The following PTPRD variants were observed in gnomAD, a reference collection of about 807,000 sequenced individuals.
PTPRD encodes the protein protein tyrosine phosphatase receptor type D.
In PTPRD, 34 loss-of-function variants were observed where a neutral mutation model predicts 214.5. That is an observed-to-expected ratio of 0.16 (90% CI 0.12 to 0.21). The LOEUF is 0.21. PTPRD is among the 10% of genes least tolerant of loss of function. The pLI, the probability that PTPRD is intolerant of heterozygous loss-of-function variation, is 1.00. For missense variants in PTPRD, 2,545 were observed against 2,398.7 expected (o/e 1.06, Z -1.27); for synonymous variants, 1,128 against 845.7 (o/e 1.33, Z -5.79).
At chr9:10,146,116 C>T (rs2099020625) in intron 3 of PTPRD, among the ~76,000 whole-genome samples, 1 of 150,390 alleles carries the variant, frequency 6.6e-6, no homozygotes, top group Admixed American at 6.7e-5. Context: ...TTAGTTTCCT[C>T]TCAGCCCAAA....
chr9:8,974,231 G>A (rs1195209958), intron 11 of PTPRD, among the ~76,000 whole-genome samples: 1 of 151,972 alleles, frequency 6.6e-6, no homozygotes, highest in Non-Finnish European at 1.5e-5. Flanking sequence ...TGTACGTAGT[G>A]AAAGGTAAAG....
intron 12 of PTPRD, among the ~76,000 whole-genome samples, chr9:8,664,191 A>T (rs1315748007): frequency 6.6e-6 from 1 of 152,204 alleles, no homozygotes; most frequent in Non-Finnish European, 1.5e-5. Context: ...ACCTATCATC[A>T]AATAAATCCA....
intron 11 of PTPRD, among the ~76,000 whole-genome samples, chr9:8,821,875 G>C (rs370901154): frequency 6.6e-6 from 1 of 152,266 alleles, no homozygotes; most frequent in East Asian, 1.9e-4. Flanking sequence ...ATCTTGGCCA[G>C]GCTGGTATCG....
intron 8 of PTPRD, among the ~76,000 whole-genome samples, chr9:9,492,818 C>T (rs1360940061): frequency 6.6e-6 from 1 of 150,732 alleles, no homozygotes; most frequent in African/African-American, 2.4e-5. Context: ...TTTGTTTCTG[C>T]ATCATATTTC....
chr9:9,177,211 A>G (rs1288895204), intron 10 of PTPRD, among the ~76,000 whole-genome samples: 2 of 152,156 alleles, frequency 1.3e-5, no homozygotes, highest in Non-Finnish European at 2.9e-5. Context: ...AAGGGAAAAC[A>G]GCCCCTTATA....
intron 8 of PTPRD, among the ~76,000 whole-genome samples, chr9:9,427,366 A>C (rs1175347032): frequency 6.6e-6 from 1 of 152,218 alleles, no homozygotes; most frequent in Non-Finnish European, 1.5e-5. Flanking sequence ...TTAGAGAAAA[A>C]AGAGTAAAAA....
chr9:8,668,370 G>A (rs1193234058), intron 12 of PTPRD, among the ~76,000 whole-genome samples: 3 of 152,152 alleles, frequency 2.0e-5, no homozygotes, highest in East Asian at 1.9e-4. Flanking sequence ...AGCCAAACTC[G>A]ACAGGTTTCA....
intron 39 of PTPRD, among the ~76,000 whole-genome samples, chr9:8,349,571 G>A (rs930769349): frequency 3.3e-5 from 5 of 152,108 alleles, no homozygotes; most frequent in African/African-American, 1.2e-4. Context: ...CTTGAAACAT[G>A]ATAAGAACAG....
chr9:9,088,374 G>A (rs181087728), intron 10 of PTPRD, among the ~76,000 whole-genome samples: 9 of 151,644 alleles, frequency 5.9e-5, no homozygotes, highest in African/African-American at 2.2e-4. Context: ...GATCACCTGA[G>A]GTTGAGACTA....
intron 8 of PTPRD, among the ~76,000 whole-genome samples, chr9:9,493,579 G>A (rs2154212130): frequency 6.6e-6 from 1 of 152,082 alleles, no homozygotes; most frequent in South Asian, 2.1e-4. Flanking sequence ...ACAAGGTCAG[G>A]AGATCGAGAC....
chr9:9,129,790 G>C (rs1300779536), intron 10 of PTPRD, among the ~76,000 whole-genome samples: 1 of 152,010 alleles, frequency 6.6e-6, no homozygotes, highest in Non-Finnish European at 1.5e-5. Flanking sequence ...GTAGTTATTT[G>C]TCCAACCAGA....
chr9:10,040,646 C>T (rs2097279920), intron 3 of PTPRD, among the ~76,000 whole-genome samples: 1 of 151,982 alleles, frequency 6.6e-6, no homozygotes, highest in Non-Finnish European at 1.5e-5. Flanking sequence ...TTAACTTCTT[C>T]CTAAATCAGT....
intron 2 of PTPRD, among the ~76,000 whole-genome samples, chr9:10,421,784 C>T (rs1208402961): frequency 6.6e-6 from 1 of 151,674 alleles, no homozygotes; most frequent in East Asian, 1.9e-4. Context: ...CCATTTTGTG[C>T]TCAGTTTTAT....
chr9:9,771,264 C>T (rs982643448), intron 5 of PTPRD, among the ~76,000 whole-genome samples: 1 of 152,086 alleles, frequency 6.6e-6, no homozygotes, highest in Non-Finnish European at 1.5e-5. Flanking sequence ...CATTTCTCAT[C>T]ACTGTCTATT....
chr9:8,816,315 C>A (rs1165687753), intron 11 of PTPRD, among the ~76,000 whole-genome samples: 1 of 152,126 alleles, frequency 6.6e-6, no homozygotes, highest in Non-Finnish European at 1.5e-5. Flanking sequence ...CGAGAGGCTC[C>A]TATTATCACT....
At chr9:8,639,963 G>T (rs1356948497) in intron 12 of PTPRD, among the ~76,000 whole-genome samples, 1 of 152,072 alleles carries the variant, frequency 6.6e-6, no homozygotes, top group Non-Finnish European at 1.5e-5. Flanking sequence ...CAGGGTCTTG[G>T]TCTGTCATTC....
chr9:9,785,828 G>A (rs1419399059), intron 5 of PTPRD, among the ~76,000 whole-genome samples: 1 of 152,008 alleles, frequency 6.6e-6, no homozygotes, highest in Non-Finnish European at 1.5e-5. Flanking sequence ...AGCTGGATAT[G>A]GGGTACATAC....
rs183767257 is a variant in PTPRD, at chr9:9,332,046, G to T, written c.-203+65403C>A. Among the ~76,000 whole-genome samples the T allele has an allele frequency of 3.7e-3, 560 of 152,156 alleles. 5 individuals are homozygous for T. The highest frequency in any genetic ancestry group is 0.013 in the African/African-American group (541 of 41,544). On this transcript the variant is annotated intron_variant, in intron 9 of 45. Coordinates refer to ENST00000381196, the MANE Select transcript of PTPRD (RefSeq NM_002839.4). Reference sequence around the variant, plus strand: ...TATTTGTTCCCTCTCTGCGGAGTCTGCATGGACAGCTAGTCTGTTCACATG... The same window carrying T: ...TATTTGTTCCCTCTCTGCGGAGTCTTCATGGACAGCTAGTCTGTTCACATG...
At chr9:9,958,038 G>A (rs2094076132) in intron 4 of PTPRD, among the ~76,000 whole-genome samples, 1 of 150,288 alleles carries the variant, frequency 6.7e-6, no homozygotes, top group East Asian at 2.0e-4. Context: ...GTAAGAGAGA[G>A]AATCTAGACA....
Sources: allele counts gnomAD v4.1 joint callset (sites outside exome capture counted in the v4.1 genomes callset), GRCh38; gene constraint gnomAD v4.1.1; transcripts MANE v1.5; gene names NCBI Gene and HGNC (gene_info 2026-07-23, HGNC 2026-07-21).